The following IKBKB variants were observed in gnomAD, a reference collection of about 807,000 sequenced individuals.
The protein encoded by IKBKB is inhibitor of nuclear factor kappa-B kinase subunit beta.
In IKBKB, 42 loss-of-function variants were observed where a neutral mutation model predicts 113.6. That is an observed-to-expected ratio of 0.37 (90% CI 0.29 to 0.48). The LOEUF (loss-of-function observed/expected upper bound fraction) is 0.48, where lower values mean the gene tolerates loss of function less well. Ranked by LOEUF, IKBKB falls within the 20% of genes least tolerant of loss-of-function variation. The pLI is 0.99. For missense variants in IKBKB, 673 were observed against 939.7 expected (o/e 0.72, Z 3.71); for synonymous variants, 296 against 361.3 (o/e 0.82, Z 2.05).
At chr8:42,293,694 A>G in intron 5 of IKBKB, 182 bp downstream of exon 5, 1 of 872,332 alleles carries the variant, frequency 1.1e-6, no homozygotes. Flanking sequence ...AGCCAGACAG[A>G]TGCTGAACTC....
intron 1 of IKBKB, 125 bp from the exon 2 acceptor site, chr8:42,271,958 A>G: frequency 1.9e-6 from 2 of 1,076,528 alleles, no homozygotes; most frequent in Non-Finnish European, 2.6e-6. Context: ...TTACAAAATA[A>G]AAAACCAGTT....
At chr8:42,302,115 G>A (rs1304878360) in intron 5 of IKBKB, among the ~76,000 whole-genome samples, 2 of 152,194 alleles carry the variant, frequency 1.3e-5, no homozygotes, top group Admixed American at 6.5e-5. Flanking sequence ...CTGCCAGCCA[G>A]TAGTTCATAT....
Position 42,319,655 on chromosome 8 carries a change from C to G in IKBKB, c.1578+9C>G. 6.3e-7 allele frequency: 1 copy of G among 1,580,632 alleles called. No homozygotes were observed. Among genetic ancestry groups the G allele is most frequent in the African/African-American group, 1.4e-5 (1 of 72,866 alleles). ...TGGAGCTCTGTGGGCGGGTAGGAGACTCATTTTGGGTTTCGGAACTTACCA... is the reference window on the plus strand; with the variant it reads ...TGGAGCTCTGTGGGCGGGTAGGAGAGTCATTTTGGGTTTCGGAACTTACCA... On this transcript the variant is annotated intron_variant, in intron 15 of 21. Transcript: ENST00000520810.
At chr8:42,308,304 CT>C (rs71548577) in intron 7 of IKBKB, among the ~76,000 whole-genome samples, 150 of 115,402 alleles carry the variant, frequency 1.3e-3, no homozygotes, top group East Asian at 1.3e-3. Flanking sequence ...TTCTTTCTTT[CT>C]TTTTTTTTTT....
At chr8:42,321,850 C>T (rs1197142197) in intron 16 of IKBKB, 46 bp from the exon 17 acceptor site, 1 of 1,399,040 alleles carries the variant, frequency 7.1e-7, no homozygotes, top group Admixed American at 2.1e-5. Flanking sequence ...TAAAAATTAG[C>T]CATATTTGAC....
At chr8:42,292,918 T>C (rs571235497) in intron 4 of IKBKB, among the ~76,000 whole-genome samples, 4 of 152,294 alleles carry the variant, frequency 2.6e-5, no homozygotes, top group Non-Finnish European at 4.4e-5. Flanking sequence ...TAGTATTAAA[T>C]GAGGTCACGC....
intron 6 of IKBKB, 81 bp from the exon 7 acceptor site, chr8:42,306,261 CT>C: frequency 3.5e-6 from 3 of 862,270 alleles, no homozygotes; most frequent in Non-Finnish European, 5.9e-6. Flanking sequence ...AATACCTCTG[CT>C]CTAACACCAG....
At chr8:42,284,150 G>A (rs567152625) in intron 2 of IKBKB, among the ~76,000 whole-genome samples, 1 of 152,322 alleles carries the variant, frequency 6.6e-6, no homozygotes, top group African/African-American at 2.4e-5. Context: ...CATAGTCCTA[G>A]AGGCTATGAA....
intron 21 of IKBKB, chr8:42,330,213 C>G: frequency 4.1e-6 from 4 of 985,382 alleles, no homozygotes; most frequent in Non-Finnish European, 4.8e-6. Flanking sequence ...CTAATTCCCA[C>G]AGTCACAGAA....
intron 2 of IKBKB, among the ~76,000 whole-genome samples, chr8:42,274,871 T>G (rs527807023): frequency 1.6e-4 from 23 of 144,230 alleles, no homozygotes; most frequent in South Asian, 2.3e-4. Flanking sequence ...ATCAGTTTTT[T>G]TTTGTTTGTT....
chr8:42,285,352 C>G (rs947697006), intron 2 of IKBKB, among the ~76,000 whole-genome samples: 1 of 151,718 alleles, frequency 6.6e-6, no homozygotes, highest in Non-Finnish European at 1.5e-5. Flanking sequence ...TTGAGACCAG[C>G]CTGGGCAACA....
At chr8:42,309,052 G>T (rs947375032) in intron 8 of IKBKB, 27 bp downstream of exon 8, 2 of 1,607,862 alleles carry the variant, frequency 1.2e-6, no homozygotes, top group African/African-American at 2.7e-5. Flanking sequence ...CACCTGGATG[G>T]AGGAGGGAGC....
intron 2 of IKBKB, among the ~76,000 whole-genome samples, chr8:42,286,224 G>C (rs1252540102): frequency 6.6e-6 from 1 of 152,122 alleles, no homozygotes; most frequent in African/African-American, 2.4e-5. Context: ...GGAGTCTGCT[G>C]TTCCATTTCC....
intron 21 of IKBKB, 163 bp downstream of exon 21, chr8:42,329,377 C>CA (rs2130736800): frequency 8.5e-7 from 1 of 1,182,514 alleles, no homozygotes; most frequent in Non-Finnish European, 1.1e-6. Context: ...GGCTGGAGTG[C>CA]AGTGGCATGA....
At position 42,295,116 on chromosome 8, in the gene IKBKB, CT is replaced by C. The variant is rs903163193; in HGVS notation, c.388+1624del. ...TTTAGCAAGTAGTTATTACGAAAGTCTTTTTTTTTTTTTTTTTTTTGAGATG... is the reference window on the plus strand; with the variant it reads ...TTTAGCAAGTAGTTATTACGAAAGTCTTTTTTTTTTTTTTTTTTTGAGATG... On this transcript the variant is annotated intron_variant, in intron 5 of 21. Coordinates refer to ENST00000520810, the MANE Select transcript of IKBKB (RefSeq NM_001556.3). 8.9e-3 allele frequency among the ~76,000 whole-genome samples: 1,007 copies of C among 113,778 alleles called. 6 individuals carry two copies. Among genetic ancestry groups the C allele is most frequent in the African/African-American group, 0.022 (684 of 30,860 alleles). 74.6% of individuals were successfully genotyped at this position (113,778 alleles called of 152,430 possible). A position where few individuals can be genotyped will look rare whatever the true frequency, so the allele number is the denominator to read the frequency against.
chr8:42,298,355 C>T (rs1027640675), intron 5 of IKBKB: 68 of 985,328 alleles, frequency 6.9e-5, no homozygotes, highest in Admixed American at 6.8e-4. Context: ...GAACCCACCC[C>T]TCTGTTGCTG....
intron 19 of IKBKB, chr8:42,325,699 T>C: frequency 1.7e-6 from 2 of 1,204,706 alleles, no homozygotes; most frequent in Non-Finnish European, 2.1e-6. Context: ...GTAAAGCTGA[T>C]GAAAATAAAA....
intron 2 of IKBKB, among the ~76,000 whole-genome samples, chr8:42,276,996 A>G (rs1475305994): frequency 6.8e-6 from 1 of 148,038 alleles, no homozygotes; most frequent in Non-Finnish European, 1.5e-5. Context: ...CCTCCCAAGT[A>G]GCTGGGACTG....
intron 20 of IKBKB, among the ~76,000 whole-genome samples, chr8:42,328,131 A>G (rs1435795161): frequency 7.2e-6 from 1 of 139,610 alleles, no homozygotes; most frequent in African/African-American, 2.6e-5. Context: ...TTTATTAGAG[A>G]CAGGGTTTCT....
Sources: allele counts gnomAD v4.1 joint callset (sites outside exome capture counted in the v4.1 genomes callset), GRCh38; gene constraint gnomAD v4.1.1; transcripts MANE v1.5; gene names NCBI Gene and HGNC (gene_info 2026-07-23, HGNC 2026-07-21).